Variants in PPP2R2C observed in about 807,000 individuals in gnomAD.
PPP2R2C encodes protein phosphatase 2 regulatory subunit Bgamma, also known as protein phosphatase 2, regulatory subunit B, gamma.
Under a neutral mutation model 45.3 loss-of-function variants are expected in PPP2R2C, and 10 were observed. That is an observed-to-expected ratio of 0.22 (90% confidence interval 0.14 to 0.37). The LOEUF is 0.37. PPP2R2C is among the 10% of genes least tolerant of loss of function. PPP2R2C has a pLI of 1.00. For missense variants in PPP2R2C, 308 were observed against 619.7 expected (o/e 0.50, Z 5.34); for synonymous variants, 257 against 245.4 (o/e 1.05, Z -0.44).
At chr4:6,513,466 A>T (rs972959224) in intron 2 of PPP2R2C, among the ~76,000 whole-genome samples, 2 of 152,142 alleles carry the variant, frequency 1.3e-5, no homozygotes, top group African/African-American at 2.4e-5. Context: ...GGGGGTGAAG[A>T]GTGAGCCACA....
At chr4:6,485,907 A>G (rs1722513468) in intron 2 of PPP2R2C, among the ~76,000 whole-genome samples, 1 of 151,878 alleles carries the variant, frequency 6.6e-6, no homozygotes, top group South Asian at 2.1e-4. Flanking sequence ...TCTGGTCCTT[A>G]CTATTTCCTC....
chr4:6,541,872 C>T (rs1490813988), intron 1 of PPP2R2C, among the ~76,000 whole-genome samples: 1 of 152,176 alleles, frequency 6.6e-6, no homozygotes, highest in Non-Finnish European at 1.5e-5. Context: ...AGGAGGGGAA[C>T]CAAGTGGAAT....
At chr4:6,445,185 T>C (rs548063027) in intron 1 of PPP2R2C, among the ~76,000 whole-genome samples, 3 of 151,292 alleles carry the variant, frequency 2.0e-5, no homozygotes, top group South Asian at 4.2e-4. Flanking sequence ...TGAGACCCTG[T>C]CTCAACAAAA....
rs62285936 is a variant in PPP2R2C at position 6,399,747 on chromosome 4, G to A, written c.71-18653C>T. Among the ~76,000 whole-genome samples the A allele has an allele frequency of 6.6e-3, 1,002 of 152,316 alleles. 7 individuals carry two copies. The highest frequency in any genetic ancestry group is 9.2e-3 in the Non-Finnish European group (628 of 68,020). On this transcript the variant is annotated intron_variant, in intron 1 of 8. Coordinates refer to ENST00000382599, the MANE Select transcript of PPP2R2C (RefSeq NM_020416.4). ...TGCTGAGAAAGGCAGAGTGAGGACC[G>A]TTTAGATGTGGCATTAGGGGTTCAG...
At chr4:6,536,662 A>G (rs1320394952) in intron 1 of PPP2R2C, among the ~76,000 whole-genome samples, 3 of 152,250 alleles carry the variant, frequency 2.0e-5, no homozygotes, top group Non-Finnish European at 4.4e-5. Context: ...GGGCAGCTCC[A>G]CAGGGGACAA....
intron 1 of PPP2R2C, among the ~76,000 whole-genome samples, chr4:6,557,751 G>T (rs1725457182): frequency 6.6e-6 from 1 of 152,182 alleles, no homozygotes; most frequent in East Asian, 1.9e-4. Context: ...GGAGACAATG[G>T]CTTGACCTGG....
chr4:6,529,268 G>A (rs1360710929), intron 2 of PPP2R2C, among the ~76,000 whole-genome samples: 2 of 152,216 alleles, frequency 1.3e-5, no homozygotes, highest in South Asian at 2.1e-4. Flanking sequence ...CTCTGGGCAG[G>A]GCCAGGGATT....
chr4:6,369,499 T>C (rs958873079), intron 5 of PPP2R2C, among the ~76,000 whole-genome samples: 2 of 152,220 alleles, frequency 1.3e-5, no homozygotes, highest in African/African-American at 4.8e-5. Context: ...CAATTTTTTT[T>C]AAATGGGAAA....
Position 6,345,868 on chromosome 4 carries a change from C to T in PPP2R2C, c.790+1978G>A, listed in dbSNP as rs1711850557. Among the ~76,000 whole-genome samples, 1 of 152,196 alleles carries T rather than the reference C, an allele frequency of 6.6e-6. No individual in the cohort carries two copies. The highest frequency in any genetic ancestry group is 1.5e-5 in the Non-Finnish European group (1 of 68,022). The stretch of plus-strand genomic sequence containing the variant: ...CCTCCCATCAGTCCACGGCCACTAA[C>T]TCCACACTTATCTCCAGGTGGCATT... On this transcript the variant is annotated intron_variant, in intron 6 of 8. Coordinates refer to ENST00000382599, the MANE Select transcript of PPP2R2C (RefSeq NM_020416.4). The surrounding 1 kb of genome is among the most constrained non-coding windows in gnomAD (Gnocchi z 5.3).
At chr4:6,437,124 T>C (rs1719932617) in intron 1 of PPP2R2C, among the ~76,000 whole-genome samples, 1 of 152,218 alleles carries the variant, frequency 6.6e-6, no homozygotes, top group Non-Finnish European at 1.5e-5. Context: ...GTTGGACTGT[T>C]ACTTTGCCAC....
intron 2 of PPP2R2C, among the ~76,000 whole-genome samples, chr4:6,491,012 G>A (rs4524456): frequency 0.45 from 68,972 of 151,932 alleles, 16,312 homozygotes; most frequent in Non-Finnish European, 0.52. Context: ...TCCTGAACGC[G>A]GGGCACCACC....
At chr4:6,423,576 G>A (rs937378505) in intron 1 of PPP2R2C, among the ~76,000 whole-genome samples, 1 of 152,230 alleles carries the variant, frequency 6.6e-6, no homozygotes, top group African/African-American at 2.4e-5. Flanking sequence ...TACCACTGGG[G>A]AGGCGAAGCC....
intron 1 of PPP2R2C, among the ~76,000 whole-genome samples, chr4:6,545,127 C>T (rs953698329): frequency 5.3e-5 from 8 of 152,116 alleles, no homozygotes; most frequent in African/African-American, 1.7e-4. Flanking sequence ...CCAGGAGATA[C>T]GTTATTAATG....
At chr4:6,394,878 C>A (rs1169543197) in intron 1 of PPP2R2C, among the ~76,000 whole-genome samples, 4 of 152,216 alleles carry the variant, frequency 2.6e-5, no homozygotes, top group Non-Finnish European at 5.9e-5. Flanking sequence ...TCCATCAGCC[C>A]CCTTCCCAGG....
intron 1 of PPP2R2C, among the ~76,000 whole-genome samples, chr4:6,455,976 T>C (rs1721002884): frequency 6.8e-6 from 1 of 147,436 alleles, no homozygotes; most frequent in Non-Finnish European, 1.5e-5. Context: ...GTCTCCCTCA[T>C]TCCAGAAATC....
At chr4:6,439,802 C>T (rs1390500042) in intron 1 of PPP2R2C, among the ~76,000 whole-genome samples, 1 of 152,204 alleles carries the variant, frequency 6.6e-6, no homozygotes, top group African/African-American at 2.4e-5. Flanking sequence ...TCTCAGGAGT[C>T]CTTACCAACC....
At chr4:6,384,837 T>A (rs1241236235) in intron 1 of PPP2R2C, 23 of 985,342 alleles carry the variant, frequency 2.3e-5, no homozygotes, top group Non-Finnish European at 2.8e-5. Flanking sequence ...CATGAGAGAC[T>A]ACGCCATGAG....
intron 1 of PPP2R2C, among the ~76,000 whole-genome samples, chr4:6,422,324 T>A (rs1577170464): frequency 6.6e-6 from 1 of 152,134 alleles, no homozygotes; most frequent in South Asian, 2.1e-4. Flanking sequence ...TGGACCAGGG[T>A]TCAACTATCA....
At chr4:6,403,644 T>C (rs1298385732) in intron 1 of PPP2R2C, among the ~76,000 whole-genome samples, 1 of 152,012 alleles carries the variant, frequency 6.6e-6, no homozygotes, top group Admixed American at 6.6e-5. Flanking sequence ...AGGGGGATCA[T>C]TTGAGGTCAG....
Sources: gnomAD v4.1 joint callset for allele counts (sites outside exome capture counted in the v4.1 genomes callset) on GRCh38, gnomAD v4.1.1 for gene constraint, Gnocchi (gnomAD v3.1) non-coding constraint, MANE v1.5 for transcripts, NCBI Gene and HGNC (gene_info 2026-07-23, HGNC 2026-07-21) for gene names.